Variants in PTPRD observed in about 807,000 individuals in gnomAD.
The protein encoded by PTPRD is receptor-type tyrosine-protein phosphatase delta.
PTPRD carries 34 observed loss-of-function variants against 214.5 expected under a neutral mutation model. The observed-to-expected ratio is 0.16, with a 90% CI of 0.12 to 0.21. The LOEUF (loss-of-function observed/expected upper bound fraction) is 0.21. PTPRD is among the 10% of genes least tolerant of loss of function. The probability of loss-of-function intolerance (pLI) is 1.00; values close to 1 mark genes in which losing one functional copy is unlikely to be tolerated. For synonymous variants in PTPRD, 1,128 were observed against 845.7 expected (o/e 1.33, Z -5.79); for missense variants, 2,545 against 2,398.7 (o/e 1.06, Z -1.27).
chr9:8,782,893 GCCTACA>G (rs2154495111), intron 11 of PTPRD, among the ~76,000 whole-genome samples: 1 of 152,200 alleles, frequency 6.6e-6, no homozygotes, highest in East Asian at 1.9e-4. Context: ...ACCACGCCTG[GCCTACA>G]CTTCTTTTTC....
chr9:8,680,025 T>G (rs2097521262), intron 12 of PTPRD, among the ~76,000 whole-genome samples: 1 of 152,242 alleles, frequency 6.6e-6, no homozygotes, highest in Non-Finnish European at 1.5e-5. Context: ...AACAAGGAGA[T>G]TAAATGTAAT....
intron 3 of PTPRD, among the ~76,000 whole-genome samples, chr9:10,205,205 T>C (rs1413864598): frequency 6.6e-6 from 1 of 151,978 alleles, no homozygotes; most frequent in Non-Finnish European, 1.5e-5. Context: ...TTGTAGGATT[T>C]ATCTTTAAAG....
chr9:10,296,440 G>T (rs2095676073), intron 3 of PTPRD, among the ~76,000 whole-genome samples: 1 of 151,982 alleles, frequency 6.6e-6, no homozygotes, highest in Non-Finnish European at 1.5e-5. Context: ...ATCTCATTTT[G>T]TTTCCTTACC....
At chr9:10,244,561 A>C (rs986009003) in intron 3 of PTPRD, among the ~76,000 whole-genome samples, 2 of 147,610 alleles carry the variant, frequency 1.4e-5, no homozygotes, top group African/African-American at 4.9e-5. Flanking sequence ...TAGGTTAAGC[A>C]GGAGGAAAAA....
chr9:10,550,741 C>A (rs1430948424), intron 2 of PTPRD, among the ~76,000 whole-genome samples: 1 of 152,166 alleles, frequency 6.6e-6, no homozygotes, highest in Non-Finnish European at 1.5e-5. Flanking sequence ...AGGTGGGATG[C>A]TGGAAAGATG....
At chr9:10,024,630 A>T (rs2096885753) in intron 4 of PTPRD, among the ~76,000 whole-genome samples, 1 of 151,452 alleles carries the variant, frequency 6.6e-6, no homozygotes, top group East Asian at 1.9e-4. Context: ...TCTTTTTTTT[A>T]AATTTTATTA....
At chr9:10,063,286 A>G (rs1033015870) in intron 3 of PTPRD, among the ~76,000 whole-genome samples, 1 of 152,114 alleles carries the variant, frequency 6.6e-6, no homozygotes, top group Non-Finnish European at 1.5e-5. Context: ...GAATCTGTCA[A>G]TACCAGAGAA....
In PTPRD at chr9:8,482,057, A is replaced by T. The variant is rs576139570; in HGVS notation, c.3413+2062T>A. Among the ~76,000 whole-genome samples the T allele has an allele frequency of 5.9e-5, 9 of 152,346 alleles. No individual in the cohort carries two copies. In the South Asian group the frequency reaches 1.9e-3, roughly 32 times the overall value. On this transcript the variant is annotated intron_variant, in intron 30 of 45. Coordinates refer to ENST00000381196, the MANE Select transcript of PTPRD (RefSeq NM_002839.4). ...CGGCCTCCCAAAGTGCTGGGATTAC[A>T]GGCATGAGCCACCATGCCTGGCCAT...
At chr9:9,972,780 C>T (rs1410646119) in intron 4 of PTPRD, among the ~76,000 whole-genome samples, 1 of 152,132 alleles carries the variant, frequency 6.6e-6, no homozygotes, top group East Asian at 1.9e-4. Flanking sequence ...TTACGGGCAT[C>T]ATTACTAGCT....
intron 8 of PTPRD, among the ~76,000 whole-genome samples, chr9:9,533,159 C>T (rs369911604): frequency 2.0e-5 from 3 of 152,046 alleles, no homozygotes; most frequent in African/African-American, 4.8e-5. Flanking sequence ...TGTGAGGGCT[C>T]CTTAAGGAGG....
intron 7 of PTPRD, among the ~76,000 whole-genome samples, chr9:9,594,926 G>A (rs2093134524): frequency 6.6e-6 from 1 of 151,906 alleles, no homozygotes; most frequent in Non-Finnish European, 1.5e-5. Flanking sequence ...GTGGGCTAAG[G>A]ACATGAATAG....
intron 9 of PTPRD, among the ~76,000 whole-genome samples, chr9:9,192,925 C>T (rs948597933): frequency 1.3e-5 from 2 of 152,006 alleles, no homozygotes; most frequent in Non-Finnish European, 2.9e-5. Context: ...CTGATAAGGT[C>T]CCCTCCCCTC....
chr9:10,358,509 ACT>A (rs1480498634), intron 2 of PTPRD, among the ~76,000 whole-genome samples: 1 of 151,914 alleles, frequency 6.6e-6, no homozygotes, highest in African/African-American at 2.4e-5. Flanking sequence ...TATTTATGAA[ACT>A]TTTTTATTAA....
At chr9:9,954,297 CAAAA>C (rs781628679) in intron 4 of PTPRD, among the ~76,000 whole-genome samples, 4 of 53,776 alleles carry the variant, frequency 7.4e-5, no homozygotes, top group African/African-American at 1.5e-4. Context: ...TGTCTCAAAA[CAAAA>C]AAAAAAAAAA....
At chr9:9,043,151 C>A (rs1227376474) in intron 10 of PTPRD, among the ~76,000 whole-genome samples, 1 of 152,138 alleles carries the variant, frequency 6.6e-6, no homozygotes, top group Non-Finnish European at 1.5e-5. Context: ...TGGCTCACAA[C>A]AAAGATACAT....
intron 10 of PTPRD, among the ~76,000 whole-genome samples, chr9:9,140,777 A>C (rs1172749801): frequency 6.6e-6 from 1 of 152,018 alleles, no homozygotes. Flanking sequence ...ACGGGGTTTC[A>C]CCGTATTAGC....
chr9:9,759,757 C>A (rs2098634735), intron 6 of PTPRD, among the ~76,000 whole-genome samples: 1 of 151,808 alleles, frequency 6.6e-6, no homozygotes, highest in African/African-American at 2.4e-5. Flanking sequence ...CGGGGTTTCA[C>A]CATGTTGGCC....
chr9:10,052,195 T>G (rs926432521), intron 3 of PTPRD, among the ~76,000 whole-genome samples: 1 of 152,180 alleles, frequency 6.6e-6, no homozygotes, highest in African/African-American at 2.4e-5. Flanking sequence ...TAATCTGATC[T>G]TCATATAGCA....
At chr9:10,261,877 G>A (rs1178163551) in intron 3 of PTPRD, among the ~76,000 whole-genome samples, 1 of 152,038 alleles carries the variant, frequency 6.6e-6, no homozygotes, top group Non-Finnish European at 1.5e-5. Flanking sequence ...CTAGTCTGCT[G>A]GGAATAAAGA....
Sources: gnomAD v4.1 joint callset for allele counts (sites outside exome capture counted in the v4.1 genomes callset) on GRCh38, gnomAD v4.1.1 for gene constraint, MANE v1.5 for transcripts, NCBI Gene and HGNC (gene_info 2026-07-23, HGNC 2026-07-21) for gene names.